Variants in NEGR1 observed in about 807,000 individuals in gnomAD.
NEGR1 encodes neuronal growth regulator 1, also known as IgLON family member 4.
In NEGR1, 10 loss-of-function variants were observed where a neutral mutation model predicts 40.9. That is an observed-to-expected ratio of 0.24 (90% CI 0.15 to 0.42). The LOEUF is 0.42. NEGR1 is among the 10% of genes least tolerant of loss of function. The pLI, the probability that NEGR1 is intolerant of heterozygous loss-of-function variation, is 1.00. For synonymous variants in NEGR1, 185 were observed against 166.8 expected (o/e 1.11, Z -0.84); for missense variants, 352 against 438.9 (o/e 0.80, Z 1.77).
intron 2 of NEGR1, among the ~76,000 whole-genome samples, chr1:71,804,407 G>T (rs1425186078): frequency 1.3e-5 from 2 of 151,354 alleles, no homozygotes; most frequent in African/African-American, 2.4e-5. Flanking sequence ...AGTACAGACT[G>T]CATACGTAGA....
intron 1 of NEGR1, among the ~76,000 whole-genome samples, chr1:71,942,277 T>G (rs1304111256): frequency 6.7e-6 from 1 of 150,250 alleles, no homozygotes; most frequent in African/African-American, 2.4e-5. Context: ...CATTTTTACA[T>G]TGTAAATTAG....
intron 3 of NEGR1, among the ~76,000 whole-genome samples, chr1:71,758,443 T>C (rs537027808): frequency 6.6e-6 from 1 of 152,198 alleles, no homozygotes; most frequent in Admixed American, 6.5e-5. Flanking sequence ...CTTGCCCGAA[T>C]CTTAAAGAGA....
chr1:71,823,118 A>G (rs898135026), intron 2 of NEGR1, among the ~76,000 whole-genome samples: 2 of 152,002 alleles, frequency 1.3e-5, no homozygotes, highest in African/African-American at 4.8e-5. Context: ...CTTGATCTCT[A>G]CAATGCATAC....
At chr1:72,260,415 G>A (rs987881315) in intron 1 of NEGR1, among the ~76,000 whole-genome samples, 13 of 152,032 alleles carry the variant, frequency 8.6e-5, no homozygotes, top group African/African-American at 2.4e-4. Context: ...TAATTTACTC[G>A]TGCTTACTAA....
chr1:71,774,838 G>A (rs7533150), intron 3 of NEGR1, among the ~76,000 whole-genome samples: 7,844 of 152,160 alleles, frequency 0.052, 392 homozygotes, highest in African/African-American at 0.13. Flanking sequence ...TGTTAGCATT[G>A]TGACTTTGAA....
At chr1:71,959,447 C>G (rs1646145350) in intron 1 of NEGR1, among the ~76,000 whole-genome samples, 1 of 152,070 alleles carries the variant, frequency 6.6e-6, no homozygotes, top group Non-Finnish European at 1.5e-5. Context: ...TAAAATAACT[C>G]ACTTTCTCTA....
chr1:71,991,506 T>C (rs779707761), intron 1 of NEGR1, among the ~76,000 whole-genome samples: 7 of 152,184 alleles, frequency 4.6e-5, no homozygotes, highest in Non-Finnish European at 7.3e-5. Context: ...TCTTACCTCT[T>C]CTTCATCTGA....
intron 2 of NEGR1, among the ~76,000 whole-genome samples, chr1:71,913,526 CA>C (rs1661482864): frequency 6.6e-6 from 1 of 152,166 alleles, no homozygotes; most frequent in Non-Finnish European, 1.5e-5. Context: ...GTGACATTCC[CA>C]TGTTCTCGTT....
At chr1:71,718,912 T>G (rs1032695181) in intron 3 of NEGR1, among the ~76,000 whole-genome samples, 5 of 152,222 alleles carry the variant, frequency 3.3e-5, no homozygotes, top group African/African-American at 1.2e-4. Flanking sequence ...TGATCCTTCT[T>G]ACAAAACTTC....
At chr1:71,629,093 G>A (rs189193490) in intron 4 of NEGR1, among the ~76,000 whole-genome samples, 2 of 152,028 alleles carry the variant, frequency 1.3e-5, no homozygotes, top group Admixed American at 1.3e-4. Flanking sequence ...CCTTTTTACT[G>A]GTTGCCATTC....
chr1:71,595,772 T>C (rs1481043098), intron 5 of NEGR1, among the ~76,000 whole-genome samples: 6 of 152,120 alleles, frequency 3.9e-5, no homozygotes, highest in Non-Finnish European at 7.3e-5. Flanking sequence ...AATATAAACA[T>C]ATCTACCCTT....
intron 6 of NEGR1, among the ~76,000 whole-genome samples, chr1:71,504,833 T>C (rs1647021943): frequency 1.3e-5 from 2 of 152,126 alleles, no homozygotes; most frequent in African/African-American, 4.8e-5. Context: ...TCTTATATGT[T>C]CCTGAAGCGG....
At chr1:71,914,748 T>G (rs1339636611) in intron 2 of NEGR1, among the ~76,000 whole-genome samples, 1 of 152,228 alleles carries the variant, frequency 6.6e-6, no homozygotes, top group African/African-American at 2.4e-5. Flanking sequence ...CCACAGCTCA[T>G]GTAGTAATCT....
At chr1:71,589,302 G>T (rs958103914) in intron 6 of NEGR1, among the ~76,000 whole-genome samples, 1 of 152,106 alleles carries the variant, frequency 6.6e-6, no homozygotes, top group African/African-American at 2.4e-5. Context: ...GCTTCTGCAG[G>T]ATGCTTCTCT....
intron 4 of NEGR1, among the ~76,000 whole-genome samples, chr1:71,638,226 G>A (rs377435706): frequency 9.8e-4 from 149 of 152,042 alleles, no homozygotes; most frequent in African/African-American, 3.3e-3. Flanking sequence ...TTGAAGCCCC[G>A]TGACATCCTT....
intron 1 of NEGR1, among the ~76,000 whole-genome samples, chr1:72,199,749 C>T (rs1210719525): frequency 6.6e-6 from 1 of 151,862 alleles, no homozygotes; most frequent in East Asian, 1.9e-4. Context: ...ACTTTTTAAA[C>T]ATAAAATGTT....
intron 3 of NEGR1, among the ~76,000 whole-genome samples, chr1:71,775,279 A>G (rs1656462350): frequency 6.6e-6 from 1 of 152,160 alleles, no homozygotes; most frequent in African/African-American, 2.4e-5. Flanking sequence ...GAAAGAGAAA[A>G]TAACCTTGAC....
At chr1:71,617,685 C>T (rs1269920106) in intron 4 of NEGR1, among the ~76,000 whole-genome samples, 3 of 152,164 alleles carry the variant, frequency 2.0e-5, no homozygotes, top group African/African-American at 7.2e-5. Flanking sequence ...AAAATGTTAC[C>T]TGAACTAAAA....
chr1:71,407,284 G>T lies in NEGR1; in HGVS notation c.*162C>A. 3.5e-6 allele frequency: 2 copies of T among 568,778 alleles called. No homozygotes were observed. 35.2% of individuals were successfully genotyped at this position (568,778 alleles called of 1,614,324 possible). A position where few individuals can be genotyped will look rare whatever the true frequency, so the allele number is the denominator to read the frequency against. On this transcript the variant is annotated 3_prime_UTR_variant, in exon 7 of 7. Transcript: ENST00000357731. ...TAATGTAGCTAATCAAAAAAGAGTA[G>T]AATTAAAGTATTTACATAATGAGCA... is the stretch of plus-strand genomic sequence containing the variant.
Sources: allele counts gnomAD v4.1 joint callset (sites outside exome capture counted in the v4.1 genomes callset), GRCh38; gene constraint gnomAD v4.1.1; transcripts MANE v1.5; gene names NCBI Gene and HGNC (gene_info 2026-07-23, HGNC 2026-07-21).